Variants in CSMD2 observed in about 807,000 individuals in gnomAD.
The protein encoded by CSMD2 is CUB and sushi domain-containing protein 2.
Under a neutral mutation model 398.5 loss-of-function variants are expected in CSMD2, and 130 were observed. The observed-to-expected ratio is 0.33, with a 90% CI of 0.28 to 0.38. The LOEUF is 0.38. CSMD2 is among the 10% of genes least tolerant of loss of function. The pLI, the probability that CSMD2 is intolerant of heterozygous loss-of-function variation, is 1.00. For missense variants in CSMD2, 3,829 were observed against 4,764.9 expected, an observed-to-expected ratio of 0.80 and a Z score of 5.78; for synonymous variants, 1,828 against 1,908.5, an observed-to-expected ratio of 0.96 and a Z score of 1.10.
intron 25 of CSMD2, among the ~76,000 whole-genome samples, chr1:33,677,974 G>A (rs1179371834): frequency 2.0e-5 from 2 of 100,496 alleles, no homozygotes; most frequent in Admixed American, 2.6e-4. Flanking sequence ...GGGGGGAGGG[G>A]GGAGGGATAG....
intron 1 of CSMD2, among the ~76,000 whole-genome samples, chr1:34,139,907 G>A (rs1341303095): frequency 6.6e-6 from 1 of 152,142 alleles, no homozygotes; most frequent in Non-Finnish European, 1.5e-5. Flanking sequence ...AGTCTTGTGT[G>A]GGAAGGAACA....
chr1:33,517,115 T>C (rs547456570), intron 70 of CSMD2, among the ~76,000 whole-genome samples: 3 of 152,296 alleles, frequency 2.0e-5, no homozygotes, highest in Admixed American at 6.5e-5. Context: ...TAGTAGGGTG[T>C]TTATTTTAAT....
At chr1:33,962,950 T>C (rs1007200788) in intron 3 of CSMD2, among the ~76,000 whole-genome samples, 3 of 152,254 alleles carry the variant, frequency 2.0e-5, no homozygotes, top group Non-Finnish European at 4.4e-5. Context: ...CCTTCATTCT[T>C]GTCCTTAGGG....
intron 1 of CSMD2, among the ~76,000 whole-genome samples, chr1:34,091,667 G>T (rs1331107599): frequency 2.0e-5 from 3 of 152,076 alleles, no homozygotes; most frequent in Non-Finnish European, 4.4e-5. Context: ...AAATGTTAAG[G>T]TCTTCTGAAT....
intron 5 of CSMD2, among the ~76,000 whole-genome samples, chr1:33,892,439 A>G (rs1371110716): frequency 6.6e-6 from 1 of 152,086 alleles, no homozygotes; most frequent in East Asian, 1.9e-4. Flanking sequence ...TGTATACTGT[A>G]CCCAATATGT....
chr1:34,055,908 C>T (rs148821536), intron 2 of CSMD2, among the ~76,000 whole-genome samples: 1,528 of 152,304 alleles, frequency 0.01, 24 homozygotes, highest in African/African-American at 0.033. Flanking sequence ...TAACCAACCC[C>T]GGTCTTGAAG....
At chr1:33,848,331 G>A (rs757119161) in intron 5 of CSMD2, among the ~76,000 whole-genome samples, 1 of 152,112 alleles carries the variant, frequency 6.6e-6, no homozygotes, top group Non-Finnish European at 1.5e-5. Flanking sequence ...CACAATCTGG[G>A]GCTATAGCCA....
chr1:33,577,254 GA>G, intron 49 of CSMD2, 41 bp downstream of exon 49: 1 of 1,541,980 alleles, frequency 6.5e-7, no homozygotes. Context: ...ATATGAGTTG[GA>G]TCCGAGCTAC....
intron 10 of CSMD2, among the ~76,000 whole-genome samples, chr1:33,809,794 T>C (rs999149787): frequency 6.6e-6 from 1 of 152,080 alleles, no homozygotes; most frequent in African/African-American, 2.4e-5. Flanking sequence ...AGAATTCAGA[T>C]ACATTTTTAC....
Position 33,521,492 on chromosome 1 carries a change from C to G in CSMD2, c.10568G>C (p.Gly3523Ala), listed in dbSNP as rs762354229. Residue 3523 changes from glycine (G) to alanine (A), a missense_variant, in exon 68 of 71, where the codon GGC becomes GCC. Physicochemically the swap from Gly to Ala is moderately conservative, Grantham distance 60. Coordinates refer to ENST00000373381, the MANE Select transcript of CSMD2 (RefSeq NM_001281956.2). ...TCTTTGAAAGCCGAACTGCCCAAAG[C>G]CTTGGCCCTTGACAGAGCCTTGGTA... ...FIYQGSVKGQ[G>A]FGQFGFQRLD... The G allele has an allele frequency of 1.2e-6, 2 of 1,613,698 alleles. No individual in the cohort carries two copies. The highest frequency in any genetic ancestry group is 1.7e-6 in the Non-Finnish European group (2 of 1,179,590).
chr1:33,820,649 G>C (rs1168929323), intron 7 of CSMD2, 93 bp from the exon 8 acceptor site: 2 of 841,316 alleles, frequency 2.4e-6, no homozygotes. Context: ...TCTCAGGGTG[G>C]GAGGTGGAGG....
chr1:34,030,192 A>G (rs1252142339), intron 3 of CSMD2, among the ~76,000 whole-genome samples: 1 of 152,190 alleles, frequency 6.6e-6, no homozygotes, highest in African/African-American at 2.4e-5. Flanking sequence ...CTGAATTTTA[A>G]ATTCTATTCA....
At chr1:33,643,520 G>A (rs1193801953) in intron 29 of CSMD2, among the ~76,000 whole-genome samples, 2 of 152,184 alleles carry the variant, frequency 1.3e-5, no homozygotes, top group Non-Finnish European at 2.9e-5. Flanking sequence ...TTGGCACTGG[G>A]CACTCTGCTT....
At chr1:34,026,665 C>T (rs890612193) in intron 3 of CSMD2, among the ~76,000 whole-genome samples, 13 of 152,360 alleles carry the variant, frequency 8.5e-5, no homozygotes, top group South Asian at 4.1e-4. Context: ...CTGCCCATCA[C>T]GCTCGCTTAC....
intron 44 of CSMD2, among the ~76,000 whole-genome samples, chr1:33,590,577 C>T (rs544831220): frequency 1.8e-4 from 26 of 146,540 alleles, no homozygotes; most frequent in East Asian, 4.1e-4. Context: ...TTTACAGACA[C>T]GCCCTCCCTA....
intron 9 of CSMD2, among the ~76,000 whole-genome samples, chr1:33,819,154 A>T (rs1210787475): frequency 1.3e-5 from 2 of 152,200 alleles, no homozygotes; most frequent in Admixed American, 6.5e-5. Flanking sequence ...TTTGGGGGGT[A>T]GGGGCTAGGC....
intron 25 of CSMD2, among the ~76,000 whole-genome samples, chr1:33,663,984 T>G (rs1268198235): frequency 4.6e-5 from 7 of 152,230 alleles, no homozygotes; most frequent in Non-Finnish European, 1.0e-4. Flanking sequence ...ATACTTACTA[T>G]GAACTACACT....
intron 15 of CSMD2, 71 bp from the exon 16 acceptor site, chr1:33,726,756 A>G: frequency 2.0e-6 from 3 of 1,476,042 alleles, no homozygotes; most frequent in Non-Finnish European, 2.7e-6. Flanking sequence ...AAATCTCTCT[A>G]TAAAATGTGT....
chr1:33,935,624 CTG>C, intron 4 of CSMD2, 134 bp downstream of exon 4: 2 of 871,426 alleles, frequency 2.3e-6, no homozygotes. Context: ...TGAAAACCCT[CTG>C]TGCTGTCCAG....
Sources: allele counts gnomAD v4.1 joint callset (sites outside exome capture counted in the v4.1 genomes callset), GRCh38; gene constraint gnomAD v4.1.1; transcripts MANE v1.5; gene names NCBI Gene and HGNC (gene_info 2026-07-23, HGNC 2026-07-21).